SCML2: variants seen among roughly 807,000 people sequenced by gnomAD.
SCML2 encodes the protein Scm polycomb group protein like 2, also known as sex comb on midleg-like protein 2.
Under a neutral mutation model 48.4 loss-of-function variants are expected in SCML2, and 6 were observed. The ratio of observed to expected loss-of-function variants is 0.12; its 90% CI spans 0.07 to 0.24. The LOEUF (loss-of-function observed/expected upper bound fraction) is 0.24. SCML2 is among the 10% of genes least tolerant of loss of function. The pLI, the probability that SCML2 is intolerant of heterozygous loss-of-function variation, is 1.00. For synonymous variants in SCML2, 181 were observed against 189.5 expected (o/e 0.95, Z 0.37); for missense variants, 377 against 528.2 (o/e 0.71, Z 2.81).
chrX:18,299,214 T>A (rs951142858), intron 7 of SCML2, among the ~76,000 whole-genome samples: 1 of 111,664 alleles, frequency 9.0e-6, no homozygotes, highest in Non-Finnish European at 1.9e-5. Flanking sequence ...AATCCCTTAA[T>A]TAAAAAGTGG....
At chrX:18,318,392 AAAGTT>A (rs915622427) in intron 6 of SCML2, among the ~76,000 whole-genome samples, 5 of 113,155 alleles carry the variant, frequency 4.4e-5, no homozygotes, top group African/African-American at 6.4e-5. Context: ...AGTTGTAATA[AAAGTT>A]AAGTGATTGA....
chrX:18,316,070 TAAG>T (rs1313259398), intron 6 of SCML2, among the ~76,000 whole-genome samples: 1 of 111,589 alleles, frequency 9.0e-6, no homozygotes, highest in Non-Finnish European at 1.9e-5. Context: ...ATGATGATTC[TAAG>T]AAGAAAAGAA....
chrX:18,319,788 A>C (rs1227281117), intron 6 of SCML2, among the ~76,000 whole-genome samples: 2 of 111,329 alleles, frequency 1.8e-5, no homozygotes, highest in Non-Finnish European at 3.8e-5. Context: ...TTAAGGAAGT[A>C]ATAAAGGTTA....
chrX:18,273,785 C>G (rs758741565), intron 7 of SCML2, among the ~76,000 whole-genome samples: 1 of 110,869 alleles, frequency 9.0e-6, no homozygotes, highest in East Asian at 2.8e-4. Context: ...CCCTTACCCC[C>G]CATCCTGTGC....
At chrX:18,306,535 G>A (rs1382328540) in intron 6 of SCML2, among the ~76,000 whole-genome samples, 1 of 111,751 alleles carries the variant, frequency 8.9e-6, no homozygotes, top group Non-Finnish European at 1.9e-5. Flanking sequence ...ATTCCTCTAT[G>A]AGACTAAGAG....
chrX:18,341,343 CT>C, intron 1 of SCML2: 1 of 364,860 alleles, frequency 2.7e-6, no homozygotes. Context: ...GTGAAATTTC[CT>C]AAGAGCCTGG....
At position 18,305,061 on chromosome X, in the gene SCML2, T is replaced by C; in HGVS notation, c.641A>G (p.Asp214Gly). ...ITFDGWSGAF[D>G]YWCKYDSRDI... The stretch of plus-strand genomic sequence containing the variant: ...TCGAGAATCATACTTGCACCAGTAA[T>C]CAAAAGCTCCACTCCAGCCATCAAA... Residue 214 changes from aspartate to glycine, a missense_variant, in exon 7 of 15, where the codon GAT becomes GGT. By Grantham distance (94) the Asp-to-Gly change is moderately conservative (BLOSUM62 -1). Around this residue, in one of 3 missense-constraint regions of SCML2, gnomAD observed 299 missense variants for 425.5 expected, o/e 0.70. Coordinates refer to ENST00000251900, the MANE Select transcript of SCML2 (RefSeq NM_006089.3). The C allele has an allele frequency of 8.3e-7, 1 of 1,211,291 alleles. No homozygotes were observed. Among genetic ancestry groups the C allele is most frequent in the Non-Finnish European group, 1.1e-6 (1 of 895,311 alleles).
At chrX:18,281,639 G>A (rs1252219886) in intron 7 of SCML2, among the ~76,000 whole-genome samples, 1 of 106,289 alleles carries the variant, frequency 9.4e-6, no homozygotes, top group Non-Finnish European at 1.9e-5. Flanking sequence ...CTGAACCTGG[G>A]AGGCGGAGGT....
intron 1 of SCML2, among the ~76,000 whole-genome samples, chrX:18,342,444 G>A (rs916654969): frequency 1.7e-4 from 19 of 112,021 alleles, no homozygotes; most frequent in Non-Finnish European, 2.8e-4. Flanking sequence ...GGGCGCAGTG[G>A]CTCACGCCTG....
intron 1 of SCML2, among the ~76,000 whole-genome samples, chrX:18,346,981 T>C (rs1930218588): frequency 8.9e-6 from 1 of 112,011 alleles, no homozygotes; most frequent in African/African-American, 3.2e-5. Flanking sequence ...GAATTGAACA[T>C]GAGTCATCAC....
At chrX:18,292,017 G>T (rs754367839) in intron 7 of SCML2, among the ~76,000 whole-genome samples, 1 of 111,324 alleles carries the variant, frequency 9.0e-6, no homozygotes, top group Non-Finnish European at 1.9e-5. Flanking sequence ...GAAAAAACAC[G>T]CTAAGAGAAA....
chrX:18,328,087 G>A (rs1929542358), intron 3 of SCML2, among the ~76,000 whole-genome samples: 1 of 111,073 alleles, frequency 9.0e-6, no homozygotes, highest in Non-Finnish European at 1.9e-5. Context: ...TTATTCACAT[G>A]TGCCCATGGT....
intron 2 of SCML2, among the ~76,000 whole-genome samples, chrX:18,331,259 C>CA (rs35589774): frequency 0.47 from 7,649 of 16,181 alleles, 3,034 homozygotes; most frequent in Non-Finnish European, 0.6. Flanking sequence ...GACTCCGTCT[C>CA]AAAAAAAAAA....
At chrX:18,345,333 T>C (rs1465604583) in intron 1 of SCML2, among the ~76,000 whole-genome samples, 2 of 111,900 alleles carry the variant, frequency 1.8e-5, no homozygotes, top group African/African-American at 3.2e-5. Context: ...ATGAGTAAAC[T>C]CTGCTGTGCT....
chrX:18,281,583 G>T (rs1380546675), intron 7 of SCML2, among the ~76,000 whole-genome samples: 2 of 108,792 alleles, frequency 1.8e-5, no homozygotes, highest in East Asian at 5.8e-4. Flanking sequence ...GTGCTGGCAG[G>T]CACCTGTAAT....
At chrX:18,332,330 C>T (rs1929683773) in intron 2 of SCML2, among the ~76,000 whole-genome samples, 1 of 112,287 alleles carries the variant, frequency 8.9e-6, no homozygotes, top group Admixed American at 9.5e-5. Flanking sequence ...TCATTATGAA[C>T]TCATGGATTT....
chrX:18,335,251 C>T (rs1176642427), intron 1 of SCML2, among the ~76,000 whole-genome samples: 1 of 111,715 alleles, frequency 9.0e-6, no homozygotes. Context: ...TGCCTGTAAT[C>T]CCAGCACTTT....
chrX:18,318,343 C>G (rs1263036051), intron 6 of SCML2, among the ~76,000 whole-genome samples: 3 of 112,498 alleles, frequency 2.7e-5, no homozygotes, highest in African/African-American at 9.7e-5. Context: ...TCTTCAAAAG[C>G]TTTTTAAAAC....
At chrX:18,345,903 C>T (rs1215918289) in intron 1 of SCML2, among the ~76,000 whole-genome samples, 1 of 106,512 alleles carries the variant, frequency 9.4e-6, no homozygotes. Flanking sequence ...TAGGCATGTG[C>T]CAACAAGCTC....
Sources: allele counts gnomAD v4.1 joint callset (sites outside exome capture counted in the v4.1 genomes callset), GRCh38; gene constraint gnomAD v4.1.1; regional missense constraint gnomAD v4.1.1; transcripts MANE v1.5; gene names NCBI Gene and HGNC (gene_info 2026-07-23, HGNC 2026-07-21).